Variants in RASGRF2 observed in about 807,000 individuals in gnomAD.
RASGRF2 encodes ras-specific guanine nucleotide-releasing factor 2.
In RASGRF2, 76 loss-of-function variants were observed where a neutral mutation model predicts 151.0. The ratio of observed to expected loss-of-function variants is 0.50; its 90% CI spans 0.42 to 0.61. The LOEUF is 0.61. Among genes scored for constraint, RASGRF2 ranks in the 20% least tolerant of loss-of-function variants. The probability of loss-of-function intolerance (pLI) is 0.00; values close to 1 mark genes in which losing one functional copy is unlikely to be tolerated. For synonymous variants in RASGRF2, 504 were observed against 566.5 expected (o/e 0.89, Z 1.57); for missense variants, 1,148 against 1,564.6 (o/e 0.73, Z 4.49).
At chr5:81,186,269 C>T (rs541760379) in intron 18 of RASGRF2, among the ~76,000 whole-genome samples, 11 of 152,110 alleles carry the variant, frequency 7.2e-5, no homozygotes, top group South Asian at 2.1e-4. Context: ...CCTCTGTATA[C>T]GCCCATGTAA....
chr5:80,996,505 C>CTTCTTCCTCTTCTTCTTCTTCTTCTTCT (rs56082157), intron 1 of RASGRF2, among the ~76,000 whole-genome samples: 1 of 47,764 alleles, frequency 2.1e-5, no homozygotes, highest in Non-Finnish European at 3.8e-5. Context: ...CTTCTTCTTC[C>CTTCTTCCTCTTCTTCTTCTTCTTCTTCT]TCCTCCTCCT....
chr5:80,970,962 C>G (rs911316678), intron 1 of RASGRF2, among the ~76,000 whole-genome samples: 4 of 152,224 alleles, frequency 2.6e-5, no homozygotes, highest in Non-Finnish European at 5.9e-5. Context: ...TTTCTGTCCT[C>G]TGGTCCTGCG....
intron 12 of RASGRF2, among the ~76,000 whole-genome samples, chr5:81,097,796 AG>A (rs1311396740): frequency 6.6e-6 from 1 of 152,236 alleles, no homozygotes; most frequent in African/African-American, 2.4e-5. Context: ...AGAAAAAAAA[AG>A]AAAGTCAATG....
At chr5:81,079,662 G>A (rs1752032243) in intron 5 of RASGRF2, among the ~76,000 whole-genome samples, 1 of 151,886 alleles carries the variant, frequency 6.6e-6, no homozygotes, top group African/African-American at 2.4e-5. Flanking sequence ...GGGTATCTTG[G>A]GAGTGGTTAT....
At chr5:81,065,757 C>T in intron 2 of RASGRF2, among the ~76,000 whole-genome samples, 1 of 152,114 alleles carries the variant, frequency 6.6e-6, no homozygotes, top group South Asian at 2.1e-4. Flanking sequence ...TCTCATTTCC[C>T]CACCAAGCTA....
chr5:81,230,147 C>T lies in RASGRF2; in HGVS notation c.*4377C>T, dbSNP rs1302014996. 1 of 152,204 alleles carries T rather than the reference C, an allele frequency of 6.6e-6. No homozygotes were observed. Among genetic ancestry groups the T allele is most frequent in the Non-Finnish European group, 1.5e-5 (1 of 68,038 alleles). 9.4% of individuals were successfully genotyped at this position (152,204 alleles called of 1,614,324 possible). A position where few individuals can be genotyped will look rare whatever the true frequency, so the allele number is the denominator to read the frequency against. On this transcript the variant is annotated 3_prime_UTR_variant, in exon 27 of 27. Transcript: ENST00000265080. ...TGCCTATATGCAAATTAAACTTCACCTTTCTTGAATATTCAGAAATCTCAC... is the reference window on the plus strand; with the variant it reads ...TGCCTATATGCAAATTAAACTTCACTTTTCTTGAATATTCAGAAATCTCAC...
chr5:81,095,495 C>T (rs1175865198), intron 12 of RASGRF2, among the ~76,000 whole-genome samples: 1 of 152,132 alleles, frequency 6.6e-6, no homozygotes, highest in Non-Finnish European at 1.5e-5. Context: ...AGAATTTTTA[C>T]CTTTCCTTGA....
At chr5:81,135,795 C>A (rs911596355) in intron 17 of RASGRF2, among the ~76,000 whole-genome samples, 3 of 152,036 alleles carry the variant, frequency 2.0e-5, no homozygotes, top group Non-Finnish European at 4.4e-5. Flanking sequence ...GAGTACATAC[C>A]CAGGAGTAGA....
At chr5:81,012,586 G>T (rs139695239) in intron 1 of RASGRF2, among the ~76,000 whole-genome samples, 1 of 152,106 alleles carries the variant, frequency 6.6e-6, no homozygotes, top group Non-Finnish European at 1.5e-5. Flanking sequence ...CTTGTCCAAG[G>T]TTATGCCCTT....
At chr5:81,211,169 G>A (rs1381292278) in intron 22 of RASGRF2, among the ~76,000 whole-genome samples, 2 of 147,660 alleles carry the variant, frequency 1.4e-5, no homozygotes, top group African/African-American at 5.0e-5. Context: ...AAAAGACTCA[G>A]TGCAGGCGTG....
chr5:81,026,932 G>A (rs751757948), intron 1 of RASGRF2, among the ~76,000 whole-genome samples: 5 of 152,164 alleles, frequency 3.3e-5, no homozygotes, highest in African/African-American at 4.8e-5. Flanking sequence ...GAAAGATTTC[G>A]TGAATAGATA....
At chr5:81,165,669 T>C (rs373768135) in intron 17 of RASGRF2, among the ~76,000 whole-genome samples, 42 of 152,328 alleles carry the variant, frequency 2.8e-4, no homozygotes, top group East Asian at 2.5e-3. Context: ...CTCTAGGCCA[T>C]GTGTCCTGTC....
intron 1 of RASGRF2, among the ~76,000 whole-genome samples, chr5:80,969,303 G>C (rs1379801226): frequency 6.7e-6 from 1 of 150,244 alleles, no homozygotes; most frequent in Non-Finnish European, 1.5e-5. Flanking sequence ...GCTAACTTTT[G>C]CATTCTTTTT....
intron 12 of RASGRF2, among the ~76,000 whole-genome samples, chr5:81,107,689 A>G (rs1338995507): frequency 6.6e-6 from 1 of 151,888 alleles, no homozygotes; most frequent in Non-Finnish European, 1.5e-5. Context: ...ACTCTGTCTT[A>G]TTATATGTGT....
chr5:81,204,854 C>T (rs1399239075), intron 19 of RASGRF2, among the ~76,000 whole-genome samples: 1 of 151,962 alleles, frequency 6.6e-6, no homozygotes, highest in African/African-American at 2.4e-5. Flanking sequence ...AGGGTAAGAT[C>T]ATTGAGAAGA....
At chr5:81,093,181 G>T (rs1752440989) in intron 10 of RASGRF2, among the ~76,000 whole-genome samples, 1 of 152,130 alleles carries the variant, frequency 6.6e-6, no homozygotes, top group Non-Finnish European at 1.5e-5. Flanking sequence ...TCACCATAAA[G>T]AAATACAATT....
At chr5:81,173,511 C>A (rs143423259) in intron 17 of RASGRF2, among the ~76,000 whole-genome samples, 1 of 152,336 alleles carries the variant, frequency 6.6e-6, no homozygotes, top group South Asian at 2.1e-4. Context: ...TATCCTAACT[C>A]ATCTCTCCAG....
chr5:81,115,254 C>T (rs544757789), intron 15 of RASGRF2, among the ~76,000 whole-genome samples: 1 of 152,158 alleles, frequency 6.6e-6, no homozygotes, highest in East Asian at 1.9e-4. Context: ...GAGTGGTTGT[C>T]ATAATCAAAA....
At chr5:81,157,161 C>T (rs567628135) in intron 17 of RASGRF2, among the ~76,000 whole-genome samples, 9 of 151,716 alleles carry the variant, frequency 5.9e-5, no homozygotes, top group African/African-American at 1.7e-4. Flanking sequence ...GTCAGGAGAT[C>T]GAGACCACGG....
Sources: allele counts gnomAD v4.1 joint callset (sites outside exome capture counted in the v4.1 genomes callset), GRCh38; gene constraint gnomAD v4.1.1; transcripts MANE v1.5; gene names NCBI Gene and HGNC (gene_info 2026-07-23, HGNC 2026-07-21).